The following GRID2 variants were observed in gnomAD, a reference collection of about 807,000 sequenced individuals.
The protein encoded by GRID2 is glutamate ionotropic receptor delta type subunit 2, also known as glutamate receptor ionotropic, delta-2.
Under a neutral mutation model 114.8 loss-of-function variants are expected in GRID2, and 33 were observed. That is an observed-to-expected ratio of 0.29 (90% CI 0.22 to 0.38). The LOEUF is 0.38. Ranked by LOEUF, GRID2 falls within the 10% of genes least tolerant of loss-of-function variation. The pLI is 1.00. For synonymous variants in GRID2, 505 were observed against 449.9 expected (o/e 1.12, Z -1.55); for missense variants, 1,184 against 1,257.7 (o/e 0.94, Z 0.89).
At chr4:92,539,871 C>T (rs1372314328) in intron 1 of GRID2, among the ~76,000 whole-genome samples, 2 of 152,052 alleles carry the variant, frequency 1.3e-5, no homozygotes, top group Non-Finnish European at 2.9e-5. Context: ...ATCTTGAAGT[C>T]GGGTAGCTAC....
intron 3 of GRID2, among the ~76,000 whole-genome samples, chr4:93,097,081 C>T (rs1402827750): frequency 6.6e-6 from 1 of 151,826 alleles, no homozygotes; most frequent in African/African-American, 2.4e-5. Context: ...CCAGTAAATA[C>T]AAAACTAAGC....
At chr4:93,458,969 CAGGAGTTCGAG>C (rs1723463650) in intron 11 of GRID2, among the ~76,000 whole-genome samples, 1 of 151,848 alleles carries the variant, frequency 6.6e-6, no homozygotes, top group Admixed American at 6.6e-5. Flanking sequence ...CACCTGAGGT[CAGGAGTTCGAG>C]ACCAGCCCGG....
At chr4:92,539,059 G>T (rs959796006) in intron 1 of GRID2, among the ~76,000 whole-genome samples, 4 of 135,628 alleles carry the variant, frequency 2.9e-5, no homozygotes, top group African/African-American at 1.1e-4. Context: ...AAAAAAAAAA[G>T]TGTCTAATAG....
At chr4:92,440,518 T>A (rs902922204) in intron 1 of GRID2, among the ~76,000 whole-genome samples, 2 of 151,852 alleles carry the variant, frequency 1.3e-5, no homozygotes, top group Non-Finnish European at 2.9e-5. Flanking sequence ...TCGAGCTTGA[T>A]GTGTAGGGAA....
chr4:93,666,865 A>G (rs1462853672), intron 14 of GRID2, among the ~76,000 whole-genome samples: 2 of 152,144 alleles, frequency 1.3e-5, no homozygotes, highest in Non-Finnish European at 1.5e-5. Flanking sequence ...CATTAATGTA[A>G]GAAAGAAGGA....
chr4:93,750,173 T>G (rs906078653), intron 14 of GRID2, among the ~76,000 whole-genome samples: 1 of 152,236 alleles, frequency 6.6e-6, no homozygotes, highest in Non-Finnish European at 1.5e-5. Flanking sequence ...CTAAGGAGCT[T>G]GTAATCCTTT....
chr4:92,589,127 CA>C (rs1357978198), intron 1 of GRID2, among the ~76,000 whole-genome samples: 1 of 152,000 alleles, frequency 6.6e-6, no homozygotes, highest in Non-Finnish European at 1.5e-5. Flanking sequence ...ACCAACCAAC[CA>C]AACAAAAAGA....
chr4:92,405,764 C>T lies in GRID2; in HGVS notation c.88+101020C>T, dbSNP rs570209142. 2.0e-5 allele frequency among the ~76,000 whole-genome samples: 3 copies of T among 151,284 alleles called. No individual in the cohort carries two copies. In the South Asian group the frequency reaches 6.3e-4, roughly 32 times the overall value. The stretch of plus-strand genomic sequence containing the variant: ...ACAACTATTTCATGAGGTCTTATTT[C>T]TAATGGAAATTTAGTATCATCACTT... On this transcript the variant is annotated intron_variant, in intron 1 of 15. Coordinates refer to ENST00000282020, the MANE Select transcript of GRID2 (RefSeq NM_001510.4).
chr4:93,407,125 A>G (rs758557698), intron 9 of GRID2, among the ~76,000 whole-genome samples: 1 of 152,170 alleles, frequency 6.6e-6, no homozygotes, highest in African/African-American at 2.4e-5. Context: ...CCTAACTGGA[A>G]CTTGGATTCT....
intron 1 of GRID2, among the ~76,000 whole-genome samples, chr4:92,486,547 TCA>T (rs72216440): frequency 0.071 from 9,791 of 136,998 alleles, 283 homozygotes; most frequent in East Asian, 0.082. Flanking sequence ...TCTCTCTCTT[TCA>T]CACACACACA....
chr4:93,296,674 T>G (rs1298693376), intron 8 of GRID2, among the ~76,000 whole-genome samples: 1 of 152,218 alleles, frequency 6.6e-6, no homozygotes, highest in Admixed American at 6.5e-5. Flanking sequence ...TTCTGTTACA[T>G]GTTTAACCAA....
At chr4:93,137,019 T>C (rs904079970) in intron 4 of GRID2, among the ~76,000 whole-genome samples, 1 of 152,192 alleles carries the variant, frequency 6.6e-6, no homozygotes, top group Non-Finnish European at 1.5e-5. Context: ...AAAATTAATA[T>C]AGAAGTGTAA....
At chr4:93,329,592 C>G (rs1167567004) in intron 8 of GRID2, among the ~76,000 whole-genome samples, 1 of 152,108 alleles carries the variant, frequency 6.6e-6, no homozygotes, top group Non-Finnish European at 1.5e-5. Flanking sequence ...AGAGATGACT[C>G]TGTTATTACT....
At chr4:92,452,925 CATAGAG>C (rs1209673284) in intron 1 of GRID2, among the ~76,000 whole-genome samples, 1 of 130,868 alleles carries the variant, frequency 7.6e-6, no homozygotes, top group Non-Finnish European at 1.6e-5. Context: ...ATATATGATA[CATAGAG>C]ATAGACTGAC....
At chr4:93,686,709 T>G (rs1726110957) in intron 14 of GRID2, among the ~76,000 whole-genome samples, 2 of 151,834 alleles carry the variant, frequency 1.3e-5, no homozygotes, top group African/African-American at 4.8e-5. Context: ...CTTGGAGATA[T>G]CCGGGAGAAG....
chr4:93,659,171 A>C (rs1443122846), intron 14 of GRID2, among the ~76,000 whole-genome samples: 1 of 152,158 alleles, frequency 6.6e-6, no homozygotes, highest in Non-Finnish European at 1.5e-5. Flanking sequence ...GGCAAAAAAA[A>C]AAAGTGCCAA....
chr4:92,938,548 A>T lies in GRID2; in HGVS notation c.245-146447A>T, dbSNP rs1164172130. ...GCTATGTAATATTAAGATTAGTGGGAGGATTAATGTCAATATTTCTTTTTT... is the reference window on the plus strand; with the variant it reads ...GCTATGTAATATTAAGATTAGTGGGTGGATTAATGTCAATATTTCTTTTTT... On this transcript the variant is annotated intron_variant, in intron 2 of 15. Transcript: ENST00000282020. Among the ~76,000 whole-genome samples, 8 of 145,136 alleles carry T rather than the reference A, an allele frequency of 5.5e-5. 1 individual carries two copies. The highest frequency in any genetic ancestry group is 1.2e-4 in the Non-Finnish European group (8 of 65,348).
At chr4:93,407,799 G>GTCCTCCTCCTCT in intron 9 of GRID2, among the ~76,000 whole-genome samples, 1 of 41,120 alleles carries the variant, frequency 2.4e-5, no homozygotes, top group Admixed American at 3.2e-4. Flanking sequence ...CCTCCTCCTC[G>GTCCTCCTCCTCT]TCCTCCTCCT....
intron 1 of GRID2, among the ~76,000 whole-genome samples, chr4:92,383,793 G>T (rs1454032840): frequency 6.6e-6 from 1 of 151,856 alleles, no homozygotes; most frequent in African/African-American, 2.4e-5. Flanking sequence ...TCAACAGTCA[G>T]TTGGCTCCCA....
Sources: gnomAD v4.1 joint callset for allele counts (sites outside exome capture counted in the v4.1 genomes callset) on GRCh38, gnomAD v4.1.1 for gene constraint, MANE v1.5 for transcripts, NCBI Gene and HGNC (gene_info 2026-07-23, HGNC 2026-07-21) for gene names.